ZHX2: variants seen among roughly 807,000 people sequenced by gnomAD.
ZHX2 encodes zinc fingers and homeoboxes protein 2.
Under a neutral mutation model 21.9 loss-of-function variants are expected in ZHX2, and 6 were observed. The observed-to-expected ratio is 0.27, with a 90% CI of 0.15 to 0.54. The LOEUF is 0.54. Ranked by LOEUF, ZHX2 falls within the 20% of genes least tolerant of loss-of-function variation. The probability of loss-of-function intolerance (pLI) is 0.95; values close to 1 mark genes in which losing one functional copy is unlikely to be tolerated. For missense variants in ZHX2, 908 were observed against 1,090.7 expected, an observed-to-expected ratio of 0.83 and a Z score of 2.36; for synonymous variants, 434 against 437.1, an observed-to-expected ratio of 0.99 and a Z score of 0.09.
intron 2 of ZHX2, among the ~76,000 whole-genome samples, chr8:122,908,162 A>G (rs1649812935): frequency 6.6e-6 from 1 of 152,136 alleles, no homozygotes; most frequent in African/African-American, 2.4e-5. Flanking sequence ...TGGAAGGGTG[A>G]GAGTTGGAGC....
intron 2 of ZHX2, among the ~76,000 whole-genome samples, chr8:122,920,639 G>C (rs578235268): frequency 7.0e-4 from 106 of 152,330 alleles, no homozygotes; most frequent in African/African-American, 2.4e-3. Context: ...TAGCATTGGA[G>C]GCATGTGTCC....
intron 1 of ZHX2, among the ~76,000 whole-genome samples, chr8:122,838,761 A>G (rs995625777): frequency 6.6e-6 from 1 of 151,898 alleles, no homozygotes. Flanking sequence ...TATTTTTAGT[A>G]GAGACGGGGT....
At chr8:122,839,782 G>A (rs762681001) in intron 1 of ZHX2, among the ~76,000 whole-genome samples, 24 of 152,210 alleles carry the variant, frequency 1.6e-4, no homozygotes, top group Middle Eastern at 3.4e-3. Flanking sequence ...ACCTCGTTTT[G>A]TTCAGAAACT....
intron 2 of ZHX2, among the ~76,000 whole-genome samples, chr8:122,908,271 C>T (rs539586511): frequency 1.3e-5 from 2 of 152,330 alleles, no homozygotes; most frequent in South Asian, 2.1e-4. Context: ...GTGATCTCAG[C>T]TCACTGCAAC....
At chr8:122,878,052 T>C (rs1819611860) in intron 2 of ZHX2, among the ~76,000 whole-genome samples, 2 of 150,506 alleles carry the variant, frequency 1.3e-5, no homozygotes, top group Non-Finnish European at 2.9e-5. Context: ...TGGACTAATA[T>C]GAGAATGTCG....
chr8:122,892,952 G>A (rs908416662), intron 2 of ZHX2, among the ~76,000 whole-genome samples: 1 of 152,198 alleles, frequency 6.6e-6, no homozygotes, highest in Admixed American at 6.5e-5. Context: ...CCAAAGTGCT[G>A]GGATTACAGG....
chr8:122,857,360 G>GAAA (rs761871911), intron 1 of ZHX2, among the ~76,000 whole-genome samples: 1 of 125,472 alleles, frequency 8.0e-6, no homozygotes. Flanking sequence ...GTCACAAACA[G>GAAA]AAAAAAAAAA....
At chr8:122,954,410 C>T (rs998126680) in intron 3 of ZHX2, among the ~76,000 whole-genome samples, 3 of 152,092 alleles carry the variant, frequency 2.0e-5, no homozygotes, top group African/African-American at 4.8e-5. Flanking sequence ...TGGGCCCAAG[C>T]GATCCTCCCC....
chr8:122,789,407 AC>A (rs1172732505), intron 1 of ZHX2, among the ~76,000 whole-genome samples: 1 of 152,108 alleles, frequency 6.6e-6, no homozygotes, highest in African/African-American at 2.4e-5. Flanking sequence ...TGTACCCAGA[AC>A]CCCCCAGGGA....
chr8:122,918,851 G>A (rs186401889), intron 2 of ZHX2, among the ~76,000 whole-genome samples: 63 of 151,960 alleles, frequency 4.1e-4, no homozygotes, highest in Non-Finnish European at 6.9e-4. Flanking sequence ...AGGAGGCTGA[G>A]GCAGGAGAAT....
At chr8:122,794,544 C>T (rs937609703) in intron 1 of ZHX2, among the ~76,000 whole-genome samples, 1 of 152,174 alleles carries the variant, frequency 6.6e-6, no homozygotes, top group African/African-American at 2.4e-5. Flanking sequence ...GTGGGTCAGA[C>T]TAGAGAGCAT....
chr8:122,910,900 G>A (rs1820464100), intron 2 of ZHX2, among the ~76,000 whole-genome samples: 1 of 152,292 alleles, frequency 6.6e-6, no homozygotes, highest in African/African-American at 2.4e-5. Flanking sequence ...TTTCAAGATG[G>A]TGACCACAAA....
intron 2 of ZHX2, among the ~76,000 whole-genome samples, chr8:122,906,991 A>G (rs1820365450): frequency 6.6e-6 from 1 of 152,192 alleles, no homozygotes; most frequent in African/African-American, 2.4e-5. Flanking sequence ...TAAAAGTCAT[A>G]TGCAGCTTGT....
intron 2 of ZHX2, among the ~76,000 whole-genome samples, chr8:122,931,580 A>G (rs905627111): frequency 6.6e-6 from 1 of 152,188 alleles, no homozygotes; most frequent in Non-Finnish European, 1.5e-5. Context: ...GGTTCTATAC[A>G]GGGGTGTGTA....
At chr8:122,954,830 A>G (rs1403783888) in intron 3 of ZHX2, among the ~76,000 whole-genome samples, 2 of 150,324 alleles carry the variant, frequency 1.3e-5, no homozygotes. Context: ...AACACCAAAC[A>G]TGAAGAGGTT....
At chr8:122,791,164 A>G (rs1586572836) in intron 1 of ZHX2, among the ~76,000 whole-genome samples, 1 of 152,220 alleles carries the variant, frequency 6.6e-6, no homozygotes, top group Non-Finnish European at 1.5e-5. Flanking sequence ...GTGTGCATTC[A>G]GGGTCTTCCT....
intron 3 of ZHX2, among the ~76,000 whole-genome samples, chr8:122,954,500 G>T (rs1563605184): frequency 6.6e-6 from 1 of 152,078 alleles, no homozygotes; most frequent in Non-Finnish European, 1.5e-5. Context: ...GTAGAGACGG[G>T]GTCTCACTTT....
chr8:122,859,624 G>A (rs1274841740), intron 1 of ZHX2, among the ~76,000 whole-genome samples: 2 of 152,100 alleles, frequency 1.3e-5, no homozygotes, highest in African/African-American at 4.8e-5. Context: ...GAGATGAGCA[G>A]GCACCAGCCT....
At position 122,863,486 on chromosome 8, in the gene ZHX2, T is replaced by C. The variant is rs16897571; in HGVS notation, c.-273T>C. The C allele has an allele frequency of 0.036, 5,490 of 152,722 alleles. 216 individuals carry two copies. Among genetic ancestry groups the C allele is most frequent in the African/African-American group, 0.1 (4,296 of 41,472 alleles). 9.5% of individuals were successfully genotyped at this position (152,722 alleles called of 1,614,324 possible). A position where few individuals can be genotyped will look rare whatever the true frequency, so the allele number is the denominator to read the frequency against. ...TTTCTGTCCCCTGTAGGTCTGGATG[T>C]ACCGACTGCTTTTGGAATAAAAAGA... On this transcript the variant is annotated 5_prime_UTR_variant, in exon 2 of 4. Transcript: ENST00000314393.
Sources: gnomAD v4.1 joint callset for allele counts (sites outside exome capture counted in the v4.1 genomes callset) on GRCh38, gnomAD v4.1.1 for gene constraint, MANE v1.5 for transcripts, NCBI Gene and HGNC (gene_info 2026-07-23, HGNC 2026-07-21) for gene names.